LRRTM4: variants seen among roughly 807,000 people sequenced by gnomAD.
The protein encoded by LRRTM4 is leucine-rich repeat transmembrane neuronal protein 4.
A neutral mutation model predicts 47.6 loss-of-function variants in LRRTM4; 25 were observed. The ratio of observed to expected loss-of-function variants is 0.53; its 90% confidence interval spans 0.38 to 0.73. LRRTM4 has a LOEUF of 0.73. LRRTM4 is among the 30% of genes least tolerant of loss of function. The pLI, the probability that LRRTM4 is intolerant of heterozygous loss-of-function variation, is 0.00. For missense variants in LRRTM4, 638 were observed against 713.4 expected (o/e 0.89, Z 1.20); for synonymous variants, 311 against 269.5 (o/e 1.15, Z -1.51).
chr2:76,824,446 A>C (rs1671137251), intron 3 of LRRTM4, among the ~76,000 whole-genome samples: 1 of 151,582 alleles, frequency 6.6e-6, no homozygotes, highest in Admixed American at 6.6e-5. Context: ...TAGCCATTTA[A>C]TAAATTCTTA....
At chr2:77,268,596 A>G (rs1676113601) in intron 3 of LRRTM4, among the ~76,000 whole-genome samples, 2 of 152,132 alleles carry the variant, frequency 1.3e-5, no homozygotes, top group African/African-American at 4.8e-5. Flanking sequence ...TACAGATGTG[A>G]TCACATCAAT....
At chr2:76,847,416 A>G (rs970768103) in intron 3 of LRRTM4, among the ~76,000 whole-genome samples, 4 of 152,076 alleles carry the variant, frequency 2.6e-5, no homozygotes, top group African/African-American at 7.2e-5. Flanking sequence ...CAGTTTTTTC[A>G]TGAGCCAATG....
At chr2:76,949,772 T>A (rs941502768) in intron 3 of LRRTM4, among the ~76,000 whole-genome samples, 1 of 151,912 alleles carries the variant, frequency 6.6e-6, no homozygotes, top group East Asian at 1.9e-4. Context: ...ATAGTTTAAA[T>A]CACATTATTG....
intron 3 of LRRTM4, among the ~76,000 whole-genome samples, chr2:76,830,166 G>A (rs1397324839): frequency 6.6e-6 from 1 of 151,854 alleles, no homozygotes; most frequent in Non-Finnish European, 1.5e-5. Context: ...TTTTTTCACA[G>A]GAGAATCTTA....
chr2:77,353,041 G>A lies in LRRTM4; in HGVS notation c.1551+165277C>T, dbSNP rs372702077. ...AATGCTAATTTCTTTATTTTTAAGT[G>A]CCAAAAGTTTAACACATGTGATAAA... On this transcript the variant is annotated intron_variant, in intron 3 of 3. Transcript: ENST00000409884. Among the ~76,000 whole-genome samples, 73 of 152,096 alleles carry A rather than the reference G, an allele frequency of 4.8e-4. 1 individual carries two copies. The South Asian group carries it at 0.015, about 31-fold the overall frequency.
At chr2:77,312,176 T>G (rs924832435) in intron 3 of LRRTM4, among the ~76,000 whole-genome samples, 2 of 152,196 alleles carry the variant, frequency 1.3e-5, no homozygotes, top group African/African-American at 2.4e-5. Flanking sequence ...TCAATTTTTC[T>G]CATCTATTTC....
intron 3 of LRRTM4, among the ~76,000 whole-genome samples, chr2:76,956,628 G>C (rs1573366040): frequency 1.3e-5 from 2 of 150,540 alleles, no homozygotes; most frequent in Non-Finnish European, 3.0e-5. Context: ...AAAAAATAGA[G>C]AATAGAAAAA....
intron 3 of LRRTM4, among the ~76,000 whole-genome samples, chr2:77,130,942 C>G (rs1671784491): frequency 7.4e-6 from 1 of 134,336 alleles, no homozygotes; most frequent in African/African-American, 2.8e-5. Context: ...TCACGCCATT[C>G]TCCTGCCTCA....
At position 77,522,194 on chromosome 2, in the gene LRRTM4, C is replaced by T. The variant is rs1208438675; in HGVS notation, c.-233G>A. ...TTTTCAGTTCTTGAAGCAAGTAGGC[C>T]TCCTGTGCTGTATGAGACCCCAGTT... On this transcript the variant is annotated 5_prime_UTR_variant, in exon 1 of 4. Coordinates refer to ENST00000409884, the MANE Select transcript of LRRTM4 (RefSeq NM_001134745.3). 2 of 709,266 alleles carry T rather than the reference C, an allele frequency of 2.8e-6. No individual in the cohort carries two copies. Among genetic ancestry groups the T allele is most frequent in the African/African-American group, 3.5e-5 (2 of 56,772 alleles). The allele number at this position is 709,266 out of a possible 1,614,324, so 43.9% of individuals were successfully genotyped here. A position where few individuals can be genotyped will look rare whatever the true frequency, so the allele number is the denominator to read the frequency against.
chr2:77,166,629 T>C (rs902481188), intron 3 of LRRTM4, among the ~76,000 whole-genome samples: 18 of 152,054 alleles, frequency 1.2e-4, no homozygotes, highest in African/African-American at 4.3e-4. Context: ...TGGAACAGAA[T>C]AGAGCCCTCA....
intron 3 of LRRTM4, among the ~76,000 whole-genome samples, chr2:77,473,135 T>C (rs1192030446): frequency 6.6e-6 from 1 of 152,110 alleles, no homozygotes; most frequent in East Asian, 1.9e-4. Flanking sequence ...GGGACATTAT[T>C]ATACATATAA....
chr2:77,512,080 C>A (rs1215443399), intron 3 of LRRTM4, among the ~76,000 whole-genome samples: 3 of 152,126 alleles, frequency 2.0e-5, no homozygotes, highest in African/African-American at 7.2e-5. Flanking sequence ...ACGTTAGCCT[C>A]ACAAGTAGCT....
At chr2:77,444,923 CCTTTA>C (rs1400863654) in intron 3 of LRRTM4, among the ~76,000 whole-genome samples, 1 of 129,824 alleles carries the variant, frequency 7.7e-6, no homozygotes, top group African/African-American at 3.1e-5. Flanking sequence ...GGCTCTGTCT[CCTTTA>C]TTTTACACAC....
intron 3 of LRRTM4, among the ~76,000 whole-genome samples, chr2:77,196,710 C>T (rs981213219): frequency 6.6e-6 from 1 of 152,072 alleles, no homozygotes; most frequent in African/African-American, 2.4e-5. Context: ...CACTGCAATC[C>T]AGTTTGGATG....
Position 76,847,629 on chromosome 2 carries a change from A to G in LRRTM4, c.1552-98713T>C, listed in dbSNP as rs193018519. Among the ~76,000 whole-genome samples, 332 of 152,156 alleles carry G rather than the reference A, an allele frequency of 2.2e-3. 3 individuals carry two copies. The highest frequency in any genetic ancestry group is 7.7e-3 in the African/African-American group (320 of 41,562). ...TAAAAGAAGTTCTATTTGTAAAAGA[A>G]GAAAGGAAATGTCATTTAATTTTGA... On this transcript the variant is annotated intron_variant, in intron 3 of 3. Coordinates refer to ENST00000409884, the MANE Select transcript of LRRTM4 (RefSeq NM_001134745.3).
rs536454412 is a variant in LRRTM4, at chr2:76,762,449, C to G, written c.1552-13533G>C. 5.9e-5 allele frequency among the ~76,000 whole-genome samples: 9 copies of G among 152,264 alleles called. No homozygotes were observed. The East Asian group carries it at 1.7e-3, about 29-fold the overall frequency. On this transcript the variant is annotated intron_variant, in intron 3 of 3. Transcript: ENST00000409884. ...AAATTCTACCCTCACCTCTCAAACT[C>G]TGATTTCATTACTAACTACCCTTCA...
chr2:76,797,590 G>C (rs1294380989), intron 3 of LRRTM4, among the ~76,000 whole-genome samples: 1 of 151,046 alleles, frequency 6.6e-6, no homozygotes, highest in Non-Finnish European at 1.5e-5. Context: ...ACATCATAAT[G>C]ACAGGATCAA....
intron 3 of LRRTM4, among the ~76,000 whole-genome samples, chr2:77,357,466 G>A (rs879851183): frequency 7.9e-5 from 12 of 151,936 alleles, no homozygotes; most frequent in Non-Finnish European, 1.2e-4. Flanking sequence ...CAATATTCCT[G>A]GTCCTCCTGA....
At chr2:77,023,391 G>A (rs550057391) in intron 3 of LRRTM4, among the ~76,000 whole-genome samples, 2 of 152,180 alleles carry the variant, frequency 1.3e-5, no homozygotes, top group Non-Finnish European at 1.5e-5. Context: ...TCAGCACTGT[G>A]TCACTTATGT....
Sources: allele counts gnomAD v4.1 joint callset (sites outside exome capture counted in the v4.1 genomes callset), GRCh38; gene constraint gnomAD v4.1.1; transcripts MANE v1.5; gene names NCBI Gene and HGNC (gene_info 2026-07-23, HGNC 2026-07-21).